Variants in STRAP observed in about 807,000 individuals in gnomAD.
STRAP encodes the protein serine-threonine kinase receptor-associated protein.
Under a neutral mutation model 47.0 loss-of-function variants are expected in STRAP, and 16 were observed. The observed-to-expected ratio is 0.34, with a 90% CI of 0.23 to 0.52. The LOEUF (loss-of-function observed/expected upper bound fraction) is 0.52. Ranked by LOEUF, STRAP falls within the 20% of genes least tolerant of loss-of-function variation. STRAP has a pLI of 0.96. For synonymous variants in STRAP, 130 were observed against 142.7 expected (o/e 0.91, Z 0.63); for missense variants, 293 against 420.0 (o/e 0.70, Z 2.64).
At position 15,890,603 on chromosome 12, in the gene STRAP, AATT is replaced by A; in HGVS notation, c.341_343del (p.Tyr114del). 6.2e-7 allele frequency: 1 copy of A among 1,610,638 alleles called. No individual in the cohort carries two copies. Among genetic ancestry groups the A allele is most frequent in the South Asian group, 1.1e-5 (1 of 90,398 alleles). On this transcript the variant is annotated inframe_deletion, in exon 4 of 10. Transcript: ENST00000419869. This position sits in a 1 kb window ranked among gnomAD's most constrained non-coding sequence, Gnocchi z 4.5. ...TTTTACTTTGTGTTTTCAGGATAGTAATTATTTGTTAACCGGGGGACAGGATAA... is the reference window on the plus strand; with the variant it reads ...TTTTACTTTGTGTTTTCAGGATAGTAATTTGTTAACCGGGGGACAGGATAA...
chr12:15,902,717 G>A (rs1384722638), intron 9 of STRAP, among the ~76,000 whole-genome samples, 200 bp from the exon 10 acceptor site: 1 of 152,084 alleles, frequency 6.6e-6, no homozygotes, highest in Non-Finnish European at 1.5e-5. Flanking sequence ...TAAAACACAT[G>A]AACTCTTTCT....
intron 4 of STRAP, among the ~76,000 whole-genome samples, chr12:15,891,156 A>G (rs975210141): frequency 3.9e-5 from 6 of 152,080 alleles, no homozygotes; most frequent in African/African-American, 1.4e-4. Flanking sequence ...CACAGTTTTT[A>G]AAAAATAAGT....
rs71042274 is a variant in STRAP at position 15,902,885 on chromosome 12, C to CTTTT, written c.992-12_992-9dup. ...TCTTTCATTAAGTTGACTAATGTGA[C>CTTTT]TTTTTTTTTTTTTTTTTTTTTTTAC... On this transcript the variant is annotated intron_variant, in intron 9 of 9. Coordinates refer to ENST00000419869, the MANE Select transcript of STRAP (RefSeq NM_007178.4). 6.4e-4 allele frequency: 709 copies of CTTTT among 1,102,272 alleles called. 2 individuals are homozygous for CTTTT. The highest frequency in any genetic ancestry group is 2.5e-3 in the South Asian group (128 of 51,628). 68.3% of individuals were successfully genotyped at this position (1,102,272 alleles called of 1,614,324 possible).
chr12:15,893,829 G>GGTA (rs1948038234), intron 4 of STRAP, among the ~76,000 whole-genome samples: 1 of 151,778 alleles, frequency 6.6e-6, no homozygotes. Context: ...TAGCAAGCAT[G>GGTA]GTAGTTCCTT....
At chr12:15,902,885 CTT>C (rs71042274) in intron 9 of STRAP, 30 bp from the exon 10 acceptor site, 66,434 of 1,061,224 alleles carry the variant, frequency 0.063, no homozygotes, top group Middle Eastern at 0.082. Flanking sequence ...ACTAATGTGA[CTT>C]TTTTTTTTTT....
chr12:15,884,889 T>C (rs960679026), intron 2 of STRAP, among the ~76,000 whole-genome samples: 1 of 152,336 alleles, frequency 6.6e-6, no homozygotes, highest in East Asian at 1.9e-4. Context: ...TCCTCTGCCA[T>C]TGCACACCAT....
intron 7 of STRAP, among the ~76,000 whole-genome samples, chr12:15,899,665 C>A (rs1033266430): frequency 6.6e-6 from 1 of 151,912 alleles, no homozygotes; most frequent in Non-Finnish European, 1.5e-5. Context: ...GCCTCATTTG[C>A]TTTTTTTAGA....
At chr12:15,899,242 C>T (rs1948084092) in intron 7 of STRAP, among the ~76,000 whole-genome samples, 1 of 152,148 alleles carries the variant, frequency 6.6e-6, no homozygotes, top group Non-Finnish European at 1.5e-5. Context: ...AGAATAGGAA[C>T]ATTGGTCTAG....
At chr12:15,902,133 C>T (rs1026537011) in intron 9 of STRAP, among the ~76,000 whole-genome samples, 3 of 152,104 alleles carry the variant, frequency 2.0e-5, no homozygotes, top group Middle Eastern at 3.4e-3. Flanking sequence ...ACCACCACGC[C>T]TGGCTAATTT....
intron 9 of STRAP, 122 bp downstream of exon 9, chr12:15,901,134 C>A: frequency 1.5e-6 from 1 of 667,644 alleles, no homozygotes; most frequent in Non-Finnish European, 2.3e-6. Flanking sequence ...ATAATGGAAA[C>A]TTTAAATATT....
At chr12:15,885,631 A>G (rs1947964555) in intron 2 of STRAP, among the ~76,000 whole-genome samples, 1 of 151,848 alleles carries the variant, frequency 6.6e-6, no homozygotes, top group Admixed American at 6.6e-5. Context: ...ACGTGACTGT[A>G]TGCTCTTGTT....
chr12:15,900,260 G>A (rs541407331), intron 8 of STRAP, among the ~76,000 whole-genome samples: 4 of 151,942 alleles, frequency 2.6e-5, no homozygotes, highest in African/African-American at 7.3e-5. Context: ...GGCTGGGCAC[G>A]GTGGCTCACG....
chr12:15,890,864 A>T lies in STRAP; in HGVS notation c.403+195A>T, dbSNP rs1465173608. 1.3e-5 allele frequency among the ~76,000 whole-genome samples: 2 copies of T among 152,168 alleles called. No individual in the cohort carries two copies. Among genetic ancestry groups the T allele is most frequent in the Non-Finnish European group, 1.5e-5 (1 of 68,026 alleles). On this transcript the variant is annotated intron_variant, in intron 4 of 9. Coordinates refer to ENST00000419869, the MANE Select transcript of STRAP (RefSeq NM_007178.4). The surrounding 1 kb of genome is among the most constrained non-coding windows in gnomAD (Gnocchi z 4.5). ...CACTTGAGGTCAGGAGTTCGAGACC[A>T]GCCTGGCCAACATGGCAAAACCCCG...
chr12:15,884,848 C>T (rs1947955669), intron 2 of STRAP, among the ~76,000 whole-genome samples: 2 of 152,162 alleles, frequency 1.3e-5, no homozygotes, highest in Admixed American at 1.3e-4. Flanking sequence ...TGGCCCTTTA[C>T]AGTTTGCTTC....
At chr12:15,893,496 TA>T (rs1485517746) in intron 4 of STRAP, among the ~76,000 whole-genome samples, 2 of 146,996 alleles carry the variant, frequency 1.4e-5, no homozygotes, top group Admixed American at 1.4e-4. Context: ...AAATTCTTTT[TA>T]TTATACATAT....
At chr12:15,897,062 G>T (rs1417565995) in intron 6 of STRAP, among the ~76,000 whole-genome samples, 2 of 152,224 alleles carry the variant, frequency 1.3e-5, no homozygotes, top group African/African-American at 4.8e-5. Flanking sequence ...CAAATCCCAT[G>T]TTGGTGGCAG....
At chr12:15,884,479 T>C (rs1485315051) in intron 2 of STRAP, among the ~76,000 whole-genome samples, 1 of 152,096 alleles carries the variant, frequency 6.6e-6, no homozygotes, top group African/African-American at 2.4e-5. Flanking sequence ...TCAAATGGTA[T>C]GAGTCCCAGA....
At chr12:15,885,436 G>T (rs997449525) in intron 2 of STRAP, among the ~76,000 whole-genome samples, 1 of 150,054 alleles carries the variant, frequency 6.7e-6, no homozygotes, top group Admixed American at 6.6e-5. Flanking sequence ...TGATCTGCCC[G>T]CCTTGGCCTC....
intron 9 of STRAP, 33 bp downstream of exon 9, chr12:15,901,045 CT>C: frequency 1.3e-6 from 2 of 1,494,172 alleles, no homozygotes; most frequent in South Asian, 2.7e-5. Flanking sequence ...TTGTAAGAGT[CT>C]TGGGGGATTT....
Sources: allele counts gnomAD v4.1 joint callset (sites outside exome capture counted in the v4.1 genomes callset), GRCh38; gene constraint gnomAD v4.1.1; non-coding constraint Gnocchi (gnomAD v3.1); transcripts MANE v1.5; gene names NCBI Gene and HGNC (gene_info 2026-07-23, HGNC 2026-07-21).